Variants in CAMK4 observed in about 807,000 individuals in gnomAD.
The protein encoded by CAMK4 is calcium/calmodulin-dependent protein kinase type IV.
CAMK4 carries 22 observed loss-of-function variants against 44.9 expected under a neutral mutation model. That is an observed-to-expected ratio of 0.49 (90% confidence interval 0.35 to 0.70). The LOEUF (loss-of-function observed/expected upper bound fraction) is 0.70. Among genes scored for constraint, CAMK4 ranks in the 30% least tolerant of loss-of-function variants. The probability of loss-of-function intolerance (pLI) is 0.01; values close to 1 mark genes in which losing one functional copy is unlikely to be tolerated. For missense variants in CAMK4, 498 were observed against 586.8 expected, an observed-to-expected ratio of 0.85 and a Z score of 1.56; for synonymous variants, 218 against 215.4, an observed-to-expected ratio of 1.01 and a Z score of -0.11.
intron 5 of CAMK4, among the ~76,000 whole-genome samples, chr5:111,403,596 TG>T (rs1752308874): frequency 6.6e-6 from 1 of 152,222 alleles, no homozygotes; most frequent in African/African-American, 2.4e-5. Flanking sequence ...AATAACAAGC[TG>T]TTCTCTTAAT....
At chr5:111,371,282 A>G (rs1322796195) in intron 2 of CAMK4, among the ~76,000 whole-genome samples, 1 of 152,186 alleles carries the variant, frequency 6.6e-6, no homozygotes, top group East Asian at 1.9e-4. Context: ...TGTATTAGCA[A>G]CAGTGTGATT....
intron 1 of CAMK4, among the ~76,000 whole-genome samples, chr5:111,247,973 A>G (rs1002605239): frequency 2.6e-5 from 4 of 152,144 alleles, no homozygotes; most frequent in Non-Finnish European, 5.9e-5. Flanking sequence ...GCTCAGGGGC[A>G]TTGTGGTTTT....
At chr5:111,437,537 A>T (rs1179359954) in intron 5 of CAMK4, among the ~76,000 whole-genome samples, 3 of 152,230 alleles carry the variant, frequency 2.0e-5, no homozygotes, top group Non-Finnish European at 4.4e-5. Context: ...AGAAACATAC[A>T]TGCTGTAAAG....
At chr5:111,447,745 C>G (rs1186187531) in intron 6 of CAMK4, among the ~76,000 whole-genome samples, 1 of 152,164 alleles carries the variant, frequency 6.6e-6, no homozygotes, top group African/African-American at 2.4e-5. Context: ...GATGTTAACA[C>G]CTTTAACAAT....
At chr5:111,328,423 G>A (rs1357941975) in intron 1 of CAMK4, among the ~76,000 whole-genome samples, 9 of 151,892 alleles carry the variant, frequency 5.9e-5, no homozygotes, top group Non-Finnish European at 5.9e-5. Context: ...ACCTTGTAGT[G>A]TAGTTTGAAG....
chr5:111,466,407 A>T (rs1469623800), intron 7 of CAMK4, among the ~76,000 whole-genome samples: 8 of 152,138 alleles, frequency 5.3e-5, no homozygotes, highest in Non-Finnish European at 7.4e-5. Flanking sequence ...AGGAAGTCAA[A>T]CTGTCAGTTT....
At chr5:111,314,936 A>G (rs1368197371) in intron 1 of CAMK4, among the ~76,000 whole-genome samples, 1 of 152,094 alleles carries the variant, frequency 6.6e-6, no homozygotes, top group African/African-American at 2.4e-5. Context: ...AATGGATTTG[A>G]TATCAAAAAA....
At chr5:111,283,038 T>A (rs1358003883) in intron 1 of CAMK4, 1 of 152,200 alleles carries the variant, frequency 6.6e-6, no homozygotes, top group African/African-American at 2.4e-5. Flanking sequence ...GTCGCTAGCC[T>A]GGGAAAAGAT....
chr5:111,239,164 C>G (rs969330374), intron 1 of CAMK4, among the ~76,000 whole-genome samples: 2 of 152,110 alleles, frequency 1.3e-5, no homozygotes, highest in African/African-American at 4.8e-5. Flanking sequence ...CTTTGGGGAC[C>G]TCTCTCAGGA....
chr5:111,267,689 A>G (rs1003215103), intron 1 of CAMK4, among the ~76,000 whole-genome samples: 33 of 144,772 alleles, frequency 2.3e-4, no homozygotes, highest in Non-Finnish European at 2.4e-4. Context: ...GGGCGACAGA[A>G]CGAGACTCCG....
rs182755232 is a variant in CAMK4 at position 111,329,860 on chromosome 5, T to G, written c.162-14164T>G. Among the ~76,000 whole-genome samples, 69 of 151,728 alleles carry G rather than the reference T, an allele frequency of 4.5e-4. No individual in the cohort carries two copies. In the East Asian group the frequency reaches 7.6e-3, roughly 17 times the overall value. On this transcript the variant is annotated intron_variant, in intron 1 of 10. Transcript: ENST00000282356. Reference sequence around the variant, plus strand: ...AATTTTCTTAATTTGACAAACCACATCTATGAAAAAACTACAGCTGATGTC... The same window carrying G: ...AATTTTCTTAATTTGACAAACCACAGCTATGAAAAAACTACAGCTGATGTC...
intron 1 of CAMK4, among the ~76,000 whole-genome samples, chr5:111,266,581 G>C (rs1471424609): frequency 6.6e-6 from 1 of 152,134 alleles, no homozygotes; most frequent in Admixed American, 6.5e-5. Context: ...GATTGACATA[G>C]TTGGCCATTT....
In CAMK4 at chr5:111,484,214, A is replaced by G; in HGVS notation, c.1170A>G (p.Ala390=). ...GGGCCCAAGCCGCAGTTAAGGGGGCACAGGCTGAGCTGATGAAGGTGCAAG... is the reference window on the plus strand; with the variant it reads ...GGGCCCAAGCCGCAGTTAAGGGGGCGCAGGCTGAGCTGATGAAGGTGCAAG... ...GDGAQAAVKG[A]QAELMKVQAL... The change falls in exon 11 of 11, where the codon GCA becomes GCG. Residue 390 remains alanine (A), a synonymous_variant. Coordinates refer to ENST00000282356, the MANE Select transcript of CAMK4 (RefSeq NM_001744.6). The surrounding 1 kb of genome is among the most constrained non-coding windows in gnomAD (Gnocchi z 5.3). 6.2e-7 allele frequency: 1 copy of G among 1,614,140 alleles called. No individual in the cohort carries two copies. Among genetic ancestry groups the G allele is most frequent in the South Asian group, 1.1e-5 (1 of 91,070 alleles).
chr5:111,376,821 A>C (rs748034863), intron 3 of CAMK4, 39 bp from the exon 4 acceptor site: 1 of 1,251,296 alleles, frequency 8.0e-7, no homozygotes, highest in Non-Finnish European at 1.2e-6. Context: ...AGATGGAATA[A>C]GAAATTTGTG....
intron 1 of CAMK4, among the ~76,000 whole-genome samples, chr5:111,301,993 G>A (rs1256754336): frequency 6.6e-6 from 1 of 152,134 alleles, no homozygotes; most frequent in East Asian, 1.9e-4. Flanking sequence ...GATTTAACTG[G>A]CATTAGAATT....
Position 111,224,629 on chromosome 5 carries a change from A to T in CAMK4, c.146A>T (p.Glu49Val). 1.2e-6 allele frequency: 2 copies of T among 1,610,268 alleles called. No individual in the cohort carries two copies. The highest frequency in any genetic ancestry group is 1.7e-6 in the Non-Finnish European group (2 of 1,179,018). The change falls in exon 1 of 11, where the codon GAG becomes GTG. Residue 49 changes from glutamate to valine, a missense_variant. Physicochemically the swap from Glu to Val is moderately radical, Grantham distance 121. This residue lies in a region of CAMK4 where 152 missense variants were observed against 143.7 expected (regional missense o/e 1.06). Coordinates refer to ENST00000282356, the MANE Select transcript of CAMK4 (RefSeq NM_001744.6). The surrounding 1 kb of genome is among the most constrained non-coding windows in gnomAD (Gnocchi z 5.7). The stretch of plus-strand genomic sequence containing the variant: ...GCGCTGAGCGATTTCTTCGAGGTGG[A>T]GTCGGAGCTGGGACGGTAAGGCGCG... ...RDALSDFFEV[E>V]SELGRGATSI...
At chr5:111,291,257 A>G (rs1747239555) in intron 1 of CAMK4, among the ~76,000 whole-genome samples, 1 of 152,222 alleles carries the variant, frequency 6.6e-6, no homozygotes, top group Non-Finnish European at 1.5e-5. Context: ...CTGAATATTC[A>G]ATATGAAACA....
chr5:111,344,489 A>C (rs961328548), intron 2 of CAMK4, among the ~76,000 whole-genome samples: 1 of 151,814 alleles, frequency 6.6e-6, no homozygotes, highest in East Asian at 1.9e-4. Context: ...ACCACATTTT[A>C]ATATTAGAAA....
chr5:111,262,708 C>T (rs1044772641), intron 1 of CAMK4, among the ~76,000 whole-genome samples: 3 of 152,014 alleles, frequency 2.0e-5, no homozygotes, highest in African/African-American at 7.3e-5. Context: ...ATCGGTTATG[C>T]AATAGGGCAG....
Sources: gnomAD v4.1 joint callset for allele counts (sites outside exome capture counted in the v4.1 genomes callset) on GRCh38, gnomAD v4.1.1 for gene constraint, gnomAD v4.1.1 regional missense constraint, Gnocchi (gnomAD v3.1) non-coding constraint, MANE v1.5 for transcripts, NCBI Gene and HGNC (gene_info 2026-07-23, HGNC 2026-07-21) for gene names.